LRP2: variants seen among roughly 807,000 people sequenced by gnomAD.
LRP2 encodes the protein low-density lipoprotein receptor-related protein 2.
Under a neutral mutation model 531.0 loss-of-function variants are expected in LRP2, and 172 were observed. The observed-to-expected ratio is 0.32, with a 90% confidence interval of 0.29 to 0.37. The LOEUF is 0.37. Among genes scored for constraint, LRP2 ranks in the 10% least tolerant of loss-of-function variants. The pLI is 1.00. For missense variants in LRP2, 5,167 were observed against 5,868.3 expected, an observed-to-expected ratio of 0.88 and a Z score of 3.90; for synonymous variants, 1,992 against 2,027.6, an observed-to-expected ratio of 0.98 and a Z score of 0.47.
In LRP2 at chr2:169,246,815, C is replaced by T. The variant is rs1262078845; in HGVS notation, c.3080G>A (p.Gly1027Asp). The change falls in exon 21 of 79, where the codon GGC becomes GAC. Residue 1027 changes from glycine to aspartate, a missense_variant. Coordinates refer to ENST00000649046, the MANE Select transcript of LRP2 (RefSeq NM_004525.3). Reference sequence around the variant, plus strand: ...ATTTTTACAGGGGAAGGAAAATAAGCCACACTGCTCTGTGGGTGGTTCATT... The same window carrying T: ...ATTTTTACAGGGGAAGGAAAATAAGTCACACTGCTCTGTGGGTGGTTCATT... ...PTNEPPTEQCGLFSFPCKNGR... is the reference protein window; with the variant it reads ...PTNEPPTEQCDLFSFPCKNGR... 1 of 1,614,132 alleles carries T rather than the reference C, an allele frequency of 6.2e-7. No individual in the cohort carries two copies. The highest frequency in any genetic ancestry group is 8.5e-7 in the Non-Finnish European group (1 of 1,180,030).
chr2:169,149,387 A>G (rs576574860), intron 68 of LRP2, among the ~76,000 whole-genome samples: 1 of 152,360 alleles, frequency 6.6e-6, no homozygotes, highest in African/African-American at 2.4e-5. Context: ...AAACTTATGG[A>G]TGATGAGCCT....
intron 1 of LRP2, among the ~76,000 whole-genome samples, chr2:169,358,022 C>G (rs1686038319): frequency 1.3e-5 from 2 of 152,146 alleles, no homozygotes; most frequent in African/African-American, 4.8e-5. Flanking sequence ...CTGGACCAAG[C>G]TGAAAGCGCA....
chr2:169,143,307 T>C lies in LRP2; in HGVS notation c.12989-514A>G, dbSNP rs372841446. Among the ~76,000 whole-genome samples, 6 of 152,306 alleles carry C rather than the reference T, an allele frequency of 3.9e-5. No individual in the cohort carries two copies. The East Asian group carries it at 1.2e-3, about 29-fold the overall frequency. On this transcript the variant is annotated intron_variant, in intron 70 of 78. Transcript: ENST00000649046. ...ACCTTAATTGCAAGAAAAGGGAATT[T>C]AGAGCAATGGTTCCTCATAATCACC...
At chr2:169,165,860 G>A in intron 62 of LRP2, 72 bp downstream of exon 62, 1 of 1,586,876 alleles carries the variant, frequency 6.3e-7, no homozygotes, top group Non-Finnish European at 8.6e-7. Context: ...TGAAATCCCA[G>A]AGGCACATTT....
At chr2:169,265,415 A>T (rs924812202) in intron 16 of LRP2, among the ~76,000 whole-genome samples, 1 of 152,050 alleles carries the variant, frequency 6.6e-6, no homozygotes, top group Non-Finnish European at 1.5e-5. Context: ...CAAACTAGCA[A>T]CTCAGACACT....
At chr2:169,178,642 C>A (rs1477637690) in intron 52 of LRP2, among the ~76,000 whole-genome samples, 1 of 152,176 alleles carries the variant, frequency 6.6e-6, no homozygotes, top group Admixed American at 6.5e-5. Context: ...AATAAACCTC[C>A]AGAGAAGGTT....
At position 169,243,463 on chromosome 2, in the gene LRP2, G is replaced by A; in HGVS notation, c.3490C>T (p.Leu1164=). The change falls in exon 23 of 79, where the codon CTA becomes TTA. Residue 1164 remains leucine, a synonymous_variant. Transcript: ENST00000649046. ...FNCPNHRCID[L]SFVCDGDKDC... is the part of the protein sequence containing the mutation. ...TTGTCACCATCACAGACAAACGATA[G>A]GTCAATACATCGATGATTGGGGCAA... 6.2e-7 allele frequency: 1 copy of A among 1,614,110 alleles called. No homozygotes were observed. The highest frequency in any genetic ancestry group is 8.5e-7 in the Non-Finnish European group (1 of 1,179,974).
At chr2:169,145,704 T>A in intron 70 of LRP2, 43 bp downstream of exon 70, 1 of 1,580,654 alleles carries the variant, frequency 6.3e-7, no homozygotes, top group East Asian at 2.2e-5. Flanking sequence ...GAAATAAGAT[T>A]TCCAAGTAAT....
chr2:169,199,268 T>A (rs1688106871), intron 44 of LRP2, among the ~76,000 whole-genome samples: 1 of 152,242 alleles, frequency 6.6e-6, no homozygotes, highest in Non-Finnish European at 1.5e-5. Flanking sequence ...AAGATTTCTA[T>A]ATACTGATAA....
chr2:169,258,222 C>A (rs1387693181), intron 17 of LRP2, among the ~76,000 whole-genome samples: 1 of 152,116 alleles, frequency 6.6e-6, no homozygotes. Flanking sequence ...AATTTGAATA[C>A]TGACTGTTGC....
At chr2:169,172,748 C>T (rs368641845) in intron 57 of LRP2, among the ~76,000 whole-genome samples, 1 of 152,196 alleles carries the variant, frequency 6.6e-6, no homozygotes, top group Admixed American at 6.5e-5. Context: ...TTTTCTCTAA[C>T]CCCTTTCCAC....
intron 35 of LRP2, among the ~76,000 whole-genome samples, chr2:169,215,803 T>C (rs973560876): frequency 3.4e-4 from 51 of 148,300 alleles, no homozygotes; most frequent in African/African-American, 9.6e-4. Flanking sequence ...ATAGATTCTA[T>C]ATACCATATA....
intron 4 of LRP2, among the ~76,000 whole-genome samples, chr2:169,305,109 T>A (rs77111364): frequency 0.012 from 1,775 of 152,162 alleles, 18 homozygotes; most frequent in Non-Finnish European, 0.016. Flanking sequence ...ATATTTCAGA[T>A]GAAAATTAGA....
chr2:169,173,334 C>T, intron 56 of LRP2, 110 bp from the exon 57 acceptor site: 1 of 1,329,598 alleles, frequency 7.5e-7, no homozygotes, highest in Non-Finnish European at 1.1e-6. Context: ...TGTTACCAAG[C>T]AAACCGCCTC....
intron 66 of LRP2, among the ~76,000 whole-genome samples, chr2:169,153,718 A>T (rs1353268807): frequency 6.6e-6 from 1 of 152,210 alleles, no homozygotes; most frequent in Non-Finnish European, 1.5e-5. Context: ...CAAAGCTAGT[A>T]GATAAGGGAG....
chr2:169,221,341 C>T (rs899027567), intron 33 of LRP2, among the ~76,000 whole-genome samples: 1 of 151,996 alleles, frequency 6.6e-6, no homozygotes, highest in African/African-American at 2.4e-5. Context: ...TGAGGTAGAT[C>T]CCATTATTTT....
chr2:169,277,364 T>C (rs753751269), intron 13 of LRP2, among the ~76,000 whole-genome samples: 25 of 152,160 alleles, frequency 1.6e-4, no homozygotes, highest in Non-Finnish European at 2.9e-4. Flanking sequence ...AAATACCTAA[T>C]AAAACATGTA....
At chr2:169,266,098 A>G (rs1477052461) in intron 16 of LRP2, among the ~76,000 whole-genome samples, 2 of 152,040 alleles carry the variant, frequency 1.3e-5, no homozygotes, top group East Asian at 3.9e-4. Flanking sequence ...AGTGAACAAT[A>G]TTTATATTTA....
chr2:169,216,960 G>A (rs938468117), intron 34 of LRP2, among the ~76,000 whole-genome samples: 1 of 152,160 alleles, frequency 6.6e-6, no homozygotes, highest in Non-Finnish European at 1.5e-5. Context: ...GAGAAATAAT[G>A]AGTAACACTT....
Sources: gnomAD v4.1 joint callset for allele counts (sites outside exome capture counted in the v4.1 genomes callset) on GRCh38, gnomAD v4.1.1 for gene constraint, MANE v1.5 for transcripts, NCBI Gene and HGNC (gene_info 2026-07-23, HGNC 2026-07-21) for gene names.